CCDC192: variants seen among roughly 807,000 people sequenced by gnomAD.
CCDC192 encodes coiled-coil domain-containing protein 192.
intron 6 of CCDC192, among the ~76,000 whole-genome samples, chr5:127,931,026 T>C (rs1395951297): frequency 2.0e-5 from 3 of 152,234 alleles, no homozygotes; most frequent in African/African-American, 7.2e-5. Flanking sequence ...CTTGGACATA[T>C]GTGCTGACTC....
chr5:127,765,507 T>G (rs903421180), intron 3 of CCDC192, among the ~76,000 whole-genome samples: 3 of 152,202 alleles, frequency 2.0e-5, no homozygotes, highest in African/African-American at 7.2e-5. Context: ...ATAGCCCACA[T>G]TAACAAAAAC....
At chr5:127,807,963 G>A (rs1472643371) in intron 5 of CCDC192, among the ~76,000 whole-genome samples, 1 of 152,028 alleles carries the variant, frequency 6.6e-6, no homozygotes, top group Non-Finnish European at 1.5e-5. Flanking sequence ...ATGACGTACT[G>A]TGGGAGGATT....
chr5:127,761,964 G>T (rs1754956066), intron 3 of CCDC192, among the ~76,000 whole-genome samples: 1 of 152,118 alleles, frequency 6.6e-6, no homozygotes, highest in African/African-American at 2.4e-5. Context: ...GGAATAGAAG[G>T]AACAAAGATA....
intron 6 of CCDC192, among the ~76,000 whole-genome samples, chr5:127,907,090 T>C (rs1370909604): frequency 6.6e-6 from 1 of 152,154 alleles, no homozygotes; most frequent in Non-Finnish European, 1.5e-5. Flanking sequence ...TGTTAGCTCA[T>C]TTTGGTTTTG....
At chr5:127,810,987 G>T (rs1236355172) in intron 5 of CCDC192, among the ~76,000 whole-genome samples, 1 of 152,094 alleles carries the variant, frequency 6.6e-6, no homozygotes, top group Non-Finnish European at 1.5e-5. Context: ...GAGCCTTGTG[G>T]CTCTTTTTAT....
intron 6 of CCDC192, among the ~76,000 whole-genome samples, chr5:127,917,540 G>A (rs1274274030): frequency 6.6e-6 from 1 of 152,116 alleles, no homozygotes; most frequent in Admixed American, 6.5e-5. Context: ...AGCCATTTAA[G>A]GGTTATTAAA....
chr5:127,846,757 A>G (rs1211797062), intron 5 of CCDC192, among the ~76,000 whole-genome samples: 1 of 135,452 alleles, frequency 7.4e-6, no homozygotes. Context: ...GGCGTGAGCC[A>G]CCGCGCTTGG....
chr5:127,716,262 T>C (rs1751617628), intron 2 of CCDC192, among the ~76,000 whole-genome samples: 1 of 152,164 alleles, frequency 6.6e-6, no homozygotes, highest in African/African-American at 2.4e-5. Flanking sequence ...ATGAATATTC[T>C]TTTTGATGTG....
intron 2 of CCDC192, among the ~76,000 whole-genome samples, chr5:127,734,816 T>C (rs1381259705): frequency 1.3e-5 from 2 of 151,798 alleles, no homozygotes; most frequent in Admixed American, 6.6e-5. Flanking sequence ...TGTTGTAGAT[T>C]CTGGATATTA....
chr5:127,932,824 A>G (rs1264619441), intron 6 of CCDC192, among the ~76,000 whole-genome samples: 3 of 152,306 alleles, frequency 2.0e-5, no homozygotes, highest in East Asian at 1.9e-4. Context: ...GATAAAAACC[A>G]GATCTAGAAT....
chr5:127,784,653 T>C, intron 3 of CCDC192: 1 of 732,896 alleles, frequency 1.4e-6, no homozygotes, highest in Non-Finnish European at 2.3e-6. Flanking sequence ...CACCATCAAC[T>C]TGCTCCAAAT....
At chr5:127,776,899 A>G (rs1381449312) in intron 3 of CCDC192, among the ~76,000 whole-genome samples, 1 of 152,236 alleles carries the variant, frequency 6.6e-6, no homozygotes, top group East Asian at 1.9e-4. Context: ...TAGGTTTCAG[A>G]GGATGTATGG....
intron 3 of CCDC192, among the ~76,000 whole-genome samples, chr5:127,757,870 C>T (rs1754699535): frequency 6.7e-6 from 1 of 148,966 alleles, no homozygotes; most frequent in Admixed American, 6.7e-5. Context: ...AATATTTTTG[C>T]CTGCTGTACA....
intron 1 of CCDC192, among the ~76,000 whole-genome samples, chr5:127,704,865 AT>A (rs1750872547): frequency 1.3e-5 from 2 of 151,142 alleles, no homozygotes; most frequent in Non-Finnish European, 3.0e-5. Flanking sequence ...AAATAAATAA[AT>A]AAATAAATAA....
chr5:127,878,591 G>C (rs1295383078), intron 6 of CCDC192, among the ~76,000 whole-genome samples: 1 of 152,210 alleles, frequency 6.6e-6, no homozygotes, highest in East Asian at 1.9e-4. Context: ...GGGAGGCAGA[G>C]GTTGCAGTGA....
chr5:127,838,462 T>C lies in CCDC192; in HGVS notation c.412-37076T>C, dbSNP rs528115573. The C allele has an allele frequency of 8.5e-5, 13 of 152,296 alleles. 1 individual carries two copies. The South Asian group carries it at 2.5e-3, about 29-fold the overall frequency. The allele number at this position is 152,296 out of a possible 1,614,324, so 9.4% of individuals were successfully genotyped here. The stretch of plus-strand genomic sequence containing the variant: ...TTTTAATTATATTAGTAAACATGTA[T>C]GTACTCAGGAAATAAAAGCCACAAT... On this transcript the variant is annotated intron_variant, in intron 5 of 6. Transcript: ENST00000514853.
chr5:127,784,786 C>T (rs1756442292), intron 3 of CCDC192: 1 of 486,986 alleles, frequency 2.1e-6, no homozygotes, highest in Non-Finnish European at 4.0e-6. Flanking sequence ...TCCTCATCTT[C>T]ATGATTCTCA....
intron 6 of CCDC192, among the ~76,000 whole-genome samples, chr5:127,920,891 T>C (rs1561552488): frequency 1.3e-5 from 2 of 151,606 alleles, no homozygotes; most frequent in South Asian, 4.2e-4. Context: ...TGAAGCCCTA[T>C]TTCTCCAAAA....
intron 6 of CCDC192, among the ~76,000 whole-genome samples, chr5:127,908,007 C>G (rs1404715689): frequency 1.3e-5 from 2 of 152,200 alleles, no homozygotes; most frequent in Admixed American, 6.5e-5. Flanking sequence ...ATTGCCTACT[C>G]AGGGTTGGTA....
Sources: gnomAD v4.1 joint callset for allele counts (sites outside exome capture counted in the v4.1 genomes callset) on GRCh38, gnomAD v4.1.1 for gene constraint, MANE v1.5 for transcripts, NCBI Gene and HGNC (gene_info 2026-07-23, HGNC 2026-07-21) for gene names.